SDK1: variants seen among roughly 807,000 people sequenced by gnomAD.
SDK1 encodes protein sidekick-1.
In SDK1, 157 loss-of-function variants were observed where a neutral mutation model predicts 245.5. The ratio of observed to expected loss-of-function variants is 0.64; its 90% CI spans 0.56 to 0.73. The LOEUF (loss-of-function observed/expected upper bound fraction) is 0.73, where lower values mean the gene tolerates loss of function less well. Among genes scored for constraint, SDK1 ranks in the 30% least tolerant of loss-of-function variants. SDK1 has a pLI of 0.00. For synonymous variants in SDK1, 1,647 were observed against 1,278.5 expected, an observed-to-expected ratio of 1.29 and a Z score of -6.15; for missense variants, 3,583 against 3,002.3, an observed-to-expected ratio of 1.19 and a Z score of -4.52.
chr7:4,173,993 T>A (rs1317325116), intron 32 of SDK1, among the ~76,000 whole-genome samples: 1 of 152,172 alleles, frequency 6.6e-6, no homozygotes, highest in Non-Finnish European at 1.5e-5. Flanking sequence ...AATGCTGATG[T>A]CCCCACACAC....
chr7:3,624,795 C>G (rs965262009), intron 2 of SDK1, among the ~76,000 whole-genome samples: 1 of 152,030 alleles, frequency 6.6e-6, no homozygotes, highest in African/African-American at 2.4e-5. Flanking sequence ...CCTGTAATCC[C>G]AGCACTTTGG....
chr7:3,628,633 T>G (rs1782191501), intron 2 of SDK1, among the ~76,000 whole-genome samples: 1 of 152,216 alleles, frequency 6.6e-6, no homozygotes, highest in African/African-American at 2.4e-5. Flanking sequence ...AACTATTGTC[T>G]AATTCTATGG....
chr7:3,670,765 C>T (rs1230224590), intron 4 of SDK1, among the ~76,000 whole-genome samples: 1 of 152,172 alleles, frequency 6.6e-6, no homozygotes, highest in African/African-American at 2.4e-5. Context: ...CCTTACATCC[C>T]AGCTGGCTCA....
In SDK1 at chr7:4,145,923, C is replaced by A. The variant is rs748075630; in HGVS notation, c.4423+7C>A. ...ATCACCACCGAGAAGAGAGGTAAGACCTTGGGGGACCCGGGGGTACTGCAG... is the reference window on the plus strand; with the variant it reads ...ATCACCACCGAGAAGAGAGGTAAGAACTTGGGGGACCCGGGGGTACTGCAG... On this transcript the variant is annotated splice_region_variant and intron_variant, in intron 29 of 44. Transcript: ENST00000404826. 3.8e-6 allele frequency: 6 copies of A among 1,593,012 alleles called. No homozygotes were observed. Among genetic ancestry groups the A allele is most frequent in the Non-Finnish European group, 5.1e-6 (6 of 1,169,996 alleles).
intron 38 of SDK1, among the ~76,000 whole-genome samples, chr7:4,215,956 CAG>C (rs1452037047): frequency 6.6e-6 from 1 of 152,164 alleles, no homozygotes; most frequent in Non-Finnish European, 1.5e-5. Context: ...CAGCCTCACA[CAG>C]GGAGCAAGCA....
At chr7:3,999,779 G>A (rs957494032) in intron 14 of SDK1, among the ~76,000 whole-genome samples, 6 of 152,216 alleles carry the variant, frequency 3.9e-5, no homozygotes, top group African/African-American at 1.4e-4. Context: ...CATGCTCATT[G>A]AAGCTGGAGA....
intron 1 of SDK1, among the ~76,000 whole-genome samples, chr7:3,381,460 A>G (rs1426321647): frequency 6.6e-6 from 1 of 152,112 alleles, no homozygotes. Context: ...GCCCCTCTCA[A>G]AAACTGATGC....
intron 5 of SDK1, among the ~76,000 whole-genome samples, chr7:3,864,124 C>T (rs558833928): frequency 6.6e-6 from 1 of 152,214 alleles, no homozygotes; most frequent in East Asian, 1.9e-4. Flanking sequence ...TTTTTGTTTT[C>T]ATAATAAACA....
intron 19 of SDK1, 102 bp downstream of exon 19, chr7:4,051,932 G>GC: frequency 8.8e-7 from 1 of 1,131,504 alleles, no homozygotes. Flanking sequence ...TCACGAGGAG[G>GC]CCCCGGATTT....
chr7:3,897,862 T>A (rs1781655180), intron 5 of SDK1, among the ~76,000 whole-genome samples: 1 of 152,082 alleles, frequency 6.6e-6, no homozygotes, highest in South Asian at 2.1e-4. Context: ...TTTTCTTTTC[T>A]TAAATTTCCC....
intron 1 of SDK1, among the ~76,000 whole-genome samples, chr7:3,436,221 A>C (rs1183284191): frequency 6.6e-6 from 1 of 152,104 alleles, no homozygotes; most frequent in Admixed American, 6.5e-5. Flanking sequence ...GTTTAGACCC[A>C]ATTTGCATTT....
rs908823290 is a variant in SDK1 at position 3,451,438 on chromosome 7, A to G, written c.298+149554A>G. Among the ~76,000 whole-genome samples, 10 of 152,086 alleles carry G rather than the reference A, an allele frequency of 6.6e-5. 1 individual carries two copies. The highest frequency in any genetic ancestry group is 2.1e-4 in the South Asian group (1 of 4,824). On this transcript the variant is annotated intron_variant, in intron 1 of 44. Transcript: ENST00000404826. Reference sequence around the variant, plus strand: ...GGTACATTCTGAGGAAATGGAGGGAAGAGAGAGGGTCAGGGGACTTGGACA... The same window carrying G: ...GGTACATTCTGAGGAAATGGAGGGAGGAGAGAGGGTCAGGGGACTTGGACA...
intron 4 of SDK1, among the ~76,000 whole-genome samples, chr7:3,758,097 C>A (rs748528793): frequency 4.1e-4 from 63 of 152,240 alleles, no homozygotes; most frequent in Non-Finnish European, 7.6e-4. Flanking sequence ...AAGCAGAGGG[C>A]AGTTAAGTTC....
intron 28 of SDK1, among the ~76,000 whole-genome samples, chr7:4,140,444 G>C (rs985013516): frequency 2.6e-5 from 4 of 152,210 alleles, no homozygotes; most frequent in Admixed American, 2.6e-4. Flanking sequence ...GCTGTTTCTT[G>C]ATGTTTTGCA....
chr7:4,252,310 TG>T (rs1335248161), intron 44 of SDK1, among the ~76,000 whole-genome samples: 2 of 151,852 alleles, frequency 1.3e-5, no homozygotes, highest in Non-Finnish European at 2.9e-5. Flanking sequence ...ATGCGGTGTT[TG>T]GTTTTTTGTC....
chr7:3,657,516 A>G (rs937487151), intron 4 of SDK1, among the ~76,000 whole-genome samples: 1 of 152,160 alleles, frequency 6.6e-6, no homozygotes, highest in Non-Finnish European at 1.5e-5. Flanking sequence ...GATTTAAAGC[A>G]GGAAGAGGGA....
At chr7:3,728,578 C>G (rs1438375729) in intron 4 of SDK1, among the ~76,000 whole-genome samples, 2 of 152,170 alleles carry the variant, frequency 1.3e-5, no homozygotes, top group Non-Finnish European at 2.9e-5. Flanking sequence ...GAGAAGTTGG[C>G]CATGTAGTCA....
intron 19 of SDK1, among the ~76,000 whole-genome samples, chr7:4,062,407 CAGAA>C (rs1281946579): frequency 7.2e-5 from 11 of 152,040 alleles, no homozygotes; most frequent in Admixed American, 5.2e-4. Flanking sequence ...AAGATTGAAT[CAGAA>C]AGAAACATAA....
intron 1 of SDK1, among the ~76,000 whole-genome samples, chr7:3,435,896 A>G (rs1181421740): frequency 1.3e-5 from 2 of 152,190 alleles, no homozygotes; most frequent in African/African-American, 4.8e-5. Flanking sequence ...TGTTAACAAG[A>G]TTGTGTTAAA....
Sources: allele counts gnomAD v4.1 joint callset (sites outside exome capture counted in the v4.1 genomes callset), GRCh38; gene constraint gnomAD v4.1.1; transcripts MANE v1.5; gene names NCBI Gene and HGNC (gene_info 2026-07-23, HGNC 2026-07-21).